GSN: variants seen among roughly 807,000 people sequenced by gnomAD.
The protein encoded by GSN is actin-depolymerizing factor.
GSN carries 56 observed loss-of-function variants against 85.7 expected under a neutral mutation model. The observed-to-expected ratio is 0.65, with a 90% CI of 0.53 to 0.82. The LOEUF is 0.82. GSN is among the 40% of genes least tolerant of loss of function. The probability of loss-of-function intolerance (pLI) is 0.00; values close to 1 mark genes in which losing one functional copy is unlikely to be tolerated. For missense variants in GSN, 857 were observed against 979.8 expected (o/e 0.87, Z 1.67); for synonymous variants, 373 against 399.1 (o/e 0.93, Z 0.78).
Position 121,318,955 on chromosome 9 carries a change from A to C in GSN, c.1191+75A>C, listed in dbSNP as rs1204066177. The C allele has an allele frequency of 1.6e-6, 2 of 1,219,752 alleles. No homozygotes were observed. The highest frequency in any genetic ancestry group is 2.4e-6 in the Non-Finnish European group (2 of 829,004). 75.6% of individuals were successfully genotyped at this position (1,219,752 alleles called of 1,614,324 possible). A position where few individuals can be genotyped will look rare whatever the true frequency, so the allele number is the denominator to read the frequency against. ...CCCATGCACTGCCTCTTGCTTCCCC[A>C]AGGAGGTTTCTCTCTGAGGTTTGCA... On this transcript the variant is annotated intron_variant, in intron 10 of 17. Transcript: ENST00000432226. This position sits in a 1 kb window ranked among gnomAD's most constrained non-coding sequence, Gnocchi z 4.3.
At chr9:121,314,646 A>T (rs2061521800) in intron 7 of GSN, among the ~76,000 whole-genome samples, 1 of 152,242 alleles carries the variant, frequency 6.6e-6, no homozygotes, top group African/African-American at 2.4e-5. Context: ...TTATGAAGTA[A>T]TACATGTTTA....
intron 4 of GSN, among the ~76,000 whole-genome samples, chr9:121,227,592 C>T (rs992564452): frequency 5.3e-5 from 8 of 152,100 alleles, no homozygotes; most frequent in African/African-American, 1.9e-4. Context: ...GGACTGAGCC[C>T]TTCACCTGTG....
At chr9:121,301,726 G>T (rs1171057002) in intron 2 of GSN, among the ~76,000 whole-genome samples, 1 of 152,146 alleles carries the variant, frequency 6.6e-6, no homozygotes, top group Non-Finnish European at 1.5e-5. Context: ...CTGAAGAGGG[G>T]CTGAGTAGGA....
intron 6 of GSN, among the ~76,000 whole-genome samples, chr9:121,255,659 T>C (rs1211954524): frequency 6.6e-6 from 1 of 152,238 alleles, no homozygotes; most frequent in Non-Finnish European, 1.5e-5. Flanking sequence ...CTTTCTTTGT[T>C]TATAATGGAA....
At chr9:121,221,666 G>T (rs1206380516) in intron 4 of GSN, among the ~76,000 whole-genome samples, 1 of 152,120 alleles carries the variant, frequency 6.6e-6, no homozygotes, top group African/African-American at 2.4e-5. Context: ...CCCTCTTCAG[G>T]CCTGTTTTCC....
At position 121,299,735 on chromosome 9, in the gene GSN, A is replaced by G. The variant is rs1274538480; in HGVS notation, c.-9-2228A>G. ...AACCCAGATGTCTCCAAGATCCGAGACAGATCCCCGCCCCGCGCCCTCCCT... is the reference window on the plus strand; with the variant it reads ...AACCCAGATGTCTCCAAGATCCGAGGCAGATCCCCGCCCCGCGCCCTCCCT... On this transcript the variant is annotated intron_variant, in intron 2 of 17. Coordinates refer to ENST00000432226, the MANE Select transcript of GSN (RefSeq NM_198252.3). This position sits in a 1 kb window ranked among gnomAD's most constrained non-coding sequence, Gnocchi z 4.2. 4.6e-6 allele frequency: 5 copies of G among 1,092,898 alleles called. No individual in the cohort carries two copies. Among genetic ancestry groups the G allele is most frequent in the African/African-American group, 1.7e-5 (1 of 59,778 alleles). The allele number at this position is 1,092,898 out of a possible 1,614,324, so 67.7% of individuals were successfully genotyped here. A position where few individuals can be genotyped will look rare whatever the true frequency, so the allele number is the denominator to read the frequency against.
In GSN at chr9:121,299,872, A is replaced by T; in HGVS notation, c.-9-2091A>T. ...GCCGCTGTCGCCACCATGGCTCCGC[A>T]CCGCCCCGCGCCCGCGCTGCTTTGC... On this transcript the variant is annotated intron_variant, in intron 2 of 17. Coordinates refer to ENST00000432226, the MANE Select transcript of GSN (RefSeq NM_198252.3). The surrounding 1 kb of genome is among the most constrained non-coding windows in gnomAD (Gnocchi z 4.2). 1 of 1,331,202 alleles carries T rather than the reference A, an allele frequency of 7.5e-7. No homozygotes were observed. The highest frequency in any genetic ancestry group is 9.7e-7 in the Non-Finnish European group (1 of 1,032,516). The allele number at this position is 1,331,202 out of a possible 1,614,324, so 82.5% of individuals were successfully genotyped here. A position where few individuals can be genotyped will look rare whatever the true frequency, so the allele number is the denominator to read the frequency against.
upstream of GSN, among the ~76,000 whole-genome samples, chr9:121,206,579 G>C (rs1339207398): frequency 6.6e-6 from 1 of 152,072 alleles, no homozygotes; most frequent in Non-Finnish European, 1.5e-5. Context: ...GCTTATGAGG[G>C]CATGACATTA....
intron 4 of GSN, among the ~76,000 whole-genome samples, chr9:121,228,905 T>A (rs1405506723): frequency 6.6e-6 from 1 of 152,182 alleles, no homozygotes; most frequent in Non-Finnish European, 1.5e-5. Flanking sequence ...TCTCTCTTCC[T>A]GAACCATTTG....
At chr9:121,208,930 C>T (rs2053925819) in intron 1 of GSN, among the ~76,000 whole-genome samples, 1 of 152,232 alleles carries the variant, frequency 6.6e-6, no homozygotes, top group African/African-American at 2.4e-5. Context: ...ATCAGTGGAC[C>T]ATGAAATCTT....
chr9:121,216,620 C>G (rs1242916782), intron 4 of GSN, among the ~76,000 whole-genome samples: 1 of 152,218 alleles, frequency 6.6e-6, no homozygotes, highest in Non-Finnish European at 1.5e-5. Flanking sequence ...GTAATATCCT[C>G]CTACCCCCAG....
At chr9:121,250,860 A>C (rs2054810789) in intron 6 of GSN, among the ~76,000 whole-genome samples, 1 of 126,434 alleles carries the variant, frequency 7.9e-6, no homozygotes. Flanking sequence ...TTTGCTTATC[A>C]TGCCTGCTTG....
Position 121,318,227 on chromosome 9 carries a change from G to A in GSN, c.887-179G>A, listed in dbSNP as rs758959321. Among the ~76,000 whole-genome samples the A allele has an allele frequency of 1.3e-5, 2 of 152,158 alleles. No individual in the cohort carries two copies. The highest frequency in any genetic ancestry group is 2.9e-5 in the Non-Finnish European group (2 of 68,024). On this transcript the variant is annotated intron_variant, in intron 8 of 17. Coordinates refer to ENST00000432226, the MANE Select transcript of GSN (RefSeq NM_198252.3). The surrounding 1 kb of genome is among the most constrained non-coding windows in gnomAD (Gnocchi z 4.3). Reference sequence around the variant, plus strand: ...GATTGGTGTCACTGGCCAGCCCCAGGCTGGACACCAGGAGCTCTAGTGAGT... The same window carrying A: ...GATTGGTGTCACTGGCCAGCCCCAGACTGGACACCAGGAGCTCTAGTGAGT...
chr9:121,313,337 G>A (rs1322592425), intron 6 of GSN: 1 of 171,732 alleles, frequency 5.8e-6, no homozygotes, highest in East Asian at 1.5e-4. Context: ...CTTGGTTCCT[G>A]CTTCTCTGGG....
Position 121,332,697 on chromosome 9 carries a change from TGA to T in GSN, c.*96_*97del. On this transcript the variant is annotated 3_prime_UTR_variant, in exon 18 of 18. Transcript: ENST00000432226. This position sits in a 1 kb window ranked among gnomAD's most constrained non-coding sequence, Gnocchi z 4.8. ...TAGAGCGAGCAGAGCAGCTCTGCTA[TGA>T]GTGTGTGTGTGTGTGTGTGTTGTTT... The T allele has an allele frequency of 7.9e-6, 7 of 882,478 alleles. No individual in the cohort carries two copies. Among genetic ancestry groups the T allele is most frequent in the Non-Finnish European group, 1.1e-5 (6 of 560,800 alleles). The allele number at this position is 882,478 out of a possible 1,614,324, so 54.7% of individuals were successfully genotyped here.
chr9:121,312,476 G>C lies in GSN; in HGVS notation c.651G>C (p.Glu217Asp), dbSNP rs779759717. The change falls in exon 6 of 18, where the codon GAG (glutamate) becomes GAC (aspartate). Residue 217 changes from glutamate (E) to aspartate (D), a missense_variant. Transcript: ENST00000432226. ...TGTCTGAGGAGGGCACTGAGCCCGA[G>C]GCGATGCTCCAGGTGCCTGTGGGGT... The part of the protein sequence containing the change: ...VHVSEEGTEP[E>D]AMLQVLGPKP... 1 of 1,612,500 alleles carries C rather than the reference G, an allele frequency of 6.2e-7. No individual in the cohort carries two copies. The highest frequency in any genetic ancestry group is 1.1e-5 in the South Asian group (1 of 90,994).
intron 4 of GSN, among the ~76,000 whole-genome samples, chr9:121,213,507 A>G (rs1466931047): frequency 6.6e-6 from 1 of 152,180 alleles, no homozygotes; most frequent in Admixed American, 6.5e-5. Flanking sequence ...TTGTTTCCTC[A>G]GTCTCTTTGT....
intron 5 of GSN, among the ~76,000 whole-genome samples, chr9:121,241,839 C>G (rs1413609315): frequency 6.6e-6 from 1 of 152,228 alleles, no homozygotes; most frequent in African/African-American, 2.4e-5. Flanking sequence ...TGAGGGCTCA[C>G]TCTCTGGTTA....
Position 121,314,014 on chromosome 9 carries a change from G to T in GSN, c.744G>T (p.Lys248Asn), listed in dbSNP as rs765705498. Residue 248 changes from lysine (K) to asparagine (N), a missense_variant, in exon 7 of 18, where the codon AAG becomes AAT. By Grantham distance (94) the Lys-to-Asn change is moderately conservative. Coordinates refer to ENST00000432226, the MANE Select transcript of GSN (RefSeq NM_198252.3). The stretch of plus-strand genomic sequence containing the variant: ...ATGCGGCCAACCGCAAGCTGGCCAA[G>T]CTCTACAAGGTGAGCACCAGATGCA... ...KEDAANRKLA[K>N]LYKVSNGAGT... 1 of 1,613,278 alleles carries T rather than the reference G, an allele frequency of 6.2e-7. No homozygotes were observed. The highest frequency in any genetic ancestry group is 8.5e-7 in the Non-Finnish European group (1 of 1,179,178).
Sources: allele counts gnomAD v4.1 joint callset (sites outside exome capture counted in the v4.1 genomes callset), GRCh38; gene constraint gnomAD v4.1.1; non-coding constraint Gnocchi (gnomAD v3.1); transcripts MANE v1.5; gene names NCBI Gene and HGNC (gene_info 2026-07-23, HGNC 2026-07-21).